Variants in OLA1 observed in about 807,000 individuals in gnomAD.
OLA1 encodes Obg like ATPase 1, also known as obg-like ATPase 1.
In OLA1, 14 loss-of-function variants were observed where a neutral mutation model predicts 48.4. The observed-to-expected ratio is 0.29, with a 90% CI of 0.19 to 0.45. The LOEUF (loss-of-function observed/expected upper bound fraction) is 0.45, where lower values mean the gene tolerates loss of function less well. Among genes scored for constraint, OLA1 ranks in the 20% least tolerant of loss-of-function variants. The pLI is 1.00. For synonymous variants in OLA1, 127 were observed against 150.4 expected, an observed-to-expected ratio of 0.84 and a Z score of 1.14; for missense variants, 325 against 467.1, an observed-to-expected ratio of 0.70 and a Z score of 2.80.
At chr2:174,159,038 C>A (rs1355515538) in intron 4 of OLA1, among the ~76,000 whole-genome samples, 1 of 152,150 alleles carries the variant, frequency 6.6e-6, no homozygotes, top group African/African-American at 2.4e-5. Context: ...CTATCATCAA[C>A]CAATTCATTC....
At chr2:174,091,256 A>G (rs970573270) in intron 7 of OLA1, among the ~76,000 whole-genome samples, 4 of 152,198 alleles carry the variant, frequency 2.6e-5, no homozygotes, top group Admixed American at 2.6e-4. Flanking sequence ...GAGTTCTGTA[A>G]AAGGATTTCC....
At chr2:174,094,182 C>G (rs912999201) in intron 7 of OLA1, among the ~76,000 whole-genome samples, 2 of 152,170 alleles carry the variant, frequency 1.3e-5, no homozygotes, top group Admixed American at 1.3e-4. Context: ...GCTGAAACTG[C>G]AGGGTCTACA....
chr2:174,218,988 A>ATTTTTTT (rs760419464), intron 4 of OLA1, among the ~76,000 whole-genome samples: 7 of 86,450 alleles, frequency 8.1e-5, no homozygotes, highest in South Asian at 5.1e-4. Context: ...AGGCCGGCTA[A>ATTTTTTT]TTTTTTTTTT....
At chr2:174,137,383 A>G (rs1047272538) in intron 5 of OLA1, among the ~76,000 whole-genome samples, 2 of 152,238 alleles carry the variant, frequency 1.3e-5, no homozygotes, top group African/African-American at 4.8e-5. Flanking sequence ...TAGATTTAGT[A>G]TAACTCGCAA....
At chr2:174,133,063 C>T (rs1031407486) in intron 5 of OLA1, among the ~76,000 whole-genome samples, 1 of 152,122 alleles carries the variant, frequency 6.6e-6, no homozygotes, top group African/African-American at 2.4e-5. Context: ...GTATACTGAA[C>T]ATTTGGCATT....
In OLA1 at chr2:174,244,465, C is replaced by T. The variant is rs184625930; in HGVS notation, c.101+2250G>A. ...TGCTCTATGACTAAAAAGCTATGGT[C>T]GTCCCTCCATAGCTGCAGGGGATTG... is the stretch of plus-strand genomic sequence containing the variant. On this transcript the variant is annotated intron_variant, in intron 2 of 10. Coordinates refer to ENST00000284719, the MANE Select transcript of OLA1 (RefSeq NM_013341.5). Among the ~76,000 whole-genome samples the T allele has an allele frequency of 2.2e-3, 339 of 152,156 alleles. 1 individual carries two copies. Among genetic ancestry groups the T allele is most frequent in the Middle Eastern group, 6.8e-3 (2 of 294 alleles).
chr2:174,126,172 G>A (rs576778819), intron 5 of OLA1, among the ~76,000 whole-genome samples: 6 of 151,836 alleles, frequency 4.0e-5, no homozygotes, highest in Admixed American at 1.3e-4. Context: ...ATTCTTTATC[G>A]GAAAAACTTC....
intron 4 of OLA1, among the ~76,000 whole-genome samples, chr2:174,222,043 C>T (rs116183175): frequency 1.9e-3 from 292 of 152,242 alleles, no homozygotes; most frequent in African/African-American, 6.7e-3. Context: ...TTGTAAAATA[C>T]AATACAAATG....
intron 5 of OLA1, among the ~76,000 whole-genome samples, chr2:174,134,710 G>A (rs182621763): frequency 2.6e-5 from 4 of 152,064 alleles, no homozygotes; most frequent in African/African-American, 9.7e-5. Flanking sequence ...TAGGGGTAAT[G>A]GTTGTACAAT....
chr2:174,217,104 A>C (rs1208287124), intron 4 of OLA1, among the ~76,000 whole-genome samples: 1 of 152,202 alleles, frequency 6.6e-6, no homozygotes. Context: ...CAAATTCTGT[A>C]ACTGAAAATA....
intron 7 of OLA1, among the ~76,000 whole-genome samples, chr2:174,119,956 A>AACAC (rs10592077): frequency 1.3e-4 from 19 of 149,552 alleles, no homozygotes; most frequent in Non-Finnish European, 1.8e-4. Context: ...CACACACACA[A>AACAC]ACACACACAC....
chr2:174,180,422 T>C (rs1267443005), intron 4 of OLA1, among the ~76,000 whole-genome samples: 5 of 152,230 alleles, frequency 3.3e-5, no homozygotes, highest in Non-Finnish European at 7.4e-5. Context: ...TACAAATTTG[T>C]TGTATGTGTG....
At chr2:174,103,254 C>T (rs1395768170) in intron 7 of OLA1, among the ~76,000 whole-genome samples, 1 of 152,006 alleles carries the variant, frequency 6.6e-6, no homozygotes, top group Non-Finnish European at 1.5e-5. Context: ...TATTTTTGTG[C>T]AGCGAATGGC....
chr2:174,094,274 C>A (rs1032900595), intron 7 of OLA1, among the ~76,000 whole-genome samples: 3 of 152,160 alleles, frequency 2.0e-5, no homozygotes, highest in African/African-American at 7.2e-5. Flanking sequence ...CAAAGCATCA[C>A]TGAAAGAGAT....
At chr2:174,083,720 T>A (rs6747953) in intron 7 of OLA1, among the ~76,000 whole-genome samples, 143,979 of 152,256 alleles carry the variant, frequency 0.95, 68,532 homozygotes, top group Non-Finnish European at 1. Flanking sequence ...GTTTAGTAAC[T>A]TACTTTCATT....
chr2:174,243,625 C>T (rs1470556735), intron 2 of OLA1, among the ~76,000 whole-genome samples: 1 of 152,036 alleles, frequency 6.6e-6, no homozygotes, highest in Non-Finnish European at 1.5e-5. Context: ...TAAGCAAGAA[C>T]GAGACAATCG....
At chr2:174,089,210 G>C (rs1685052270) in intron 7 of OLA1, among the ~76,000 whole-genome samples, 1 of 152,176 alleles carries the variant, frequency 6.6e-6, no homozygotes, top group East Asian at 1.9e-4. Context: ...AAAGAAAAAA[G>C]AATAAAAGGA....
chr2:174,194,520 C>A (rs1687841987), intron 4 of OLA1, among the ~76,000 whole-genome samples: 1 of 152,094 alleles, frequency 6.6e-6, no homozygotes, highest in South Asian at 2.1e-4. Flanking sequence ...GCTCTCTACA[C>A]CCCAGGGCAA....
chr2:174,094,965 C>T (rs1685213428), intron 7 of OLA1, among the ~76,000 whole-genome samples: 1 of 152,154 alleles, frequency 6.6e-6, no homozygotes, highest in Non-Finnish European at 1.5e-5. Context: ...CATGTTTTAG[C>T]ATGTGACATG....
Sources: allele counts gnomAD v4.1 joint callset (sites outside exome capture counted in the v4.1 genomes callset), GRCh38; gene constraint gnomAD v4.1.1; transcripts MANE v1.5; gene names NCBI Gene and HGNC (gene_info 2026-07-23, HGNC 2026-07-21).